The following PHKB variants were observed in gnomAD, a reference collection of about 807,000 sequenced individuals.
The protein encoded by PHKB is phosphorylase kinase regulatory subunit beta.
In PHKB, 122 loss-of-function variants were observed where a neutral mutation model predicts 152.1. The observed-to-expected ratio is 0.80, with a 90% confidence interval of 0.69 to 0.93. The LOEUF (loss-of-function observed/expected upper bound fraction) is 0.93. Among genes scored for constraint, PHKB ranks in the 40% least tolerant of loss-of-function variants. The probability of loss-of-function intolerance (pLI) is 0.00; values close to 1 mark genes in which losing one functional copy is unlikely to be tolerated. For missense variants in PHKB, 1,304 were observed against 1,328.4 expected, an observed-to-expected ratio of 0.98 and a Z score of 0.29; for synonymous variants, 436 against 464.9, an observed-to-expected ratio of 0.94 and a Z score of 0.80.
At chr16:47,537,749 A>T (rs1199298831) in intron 6 of PHKB, among the ~76,000 whole-genome samples, 1 of 152,214 alleles carries the variant, frequency 6.6e-6, no homozygotes, top group Non-Finnish European at 1.5e-5. Context: ...GGTTTAGAAC[A>T]TACTGTTTAA....
chr16:47,478,896 A>T (rs16945379), intron 1 of PHKB, among the ~76,000 whole-genome samples: 10,504 of 152,184 alleles, frequency 0.069, 609 homozygotes, highest in African/African-American at 0.15. Context: ...TAAAGAAATG[A>T]CCTTGTCCAG....
At chr16:47,596,741 A>G (rs187007650) in intron 13 of PHKB, among the ~76,000 whole-genome samples, 1 of 152,238 alleles carries the variant, frequency 6.6e-6, no homozygotes, top group East Asian at 1.9e-4. Context: ...CGAAATAGGT[A>G]TGGGTACCAT....
intron 26 of PHKB, among the ~76,000 whole-genome samples, chr16:47,674,884 CA>C (rs1327368960): frequency 6.6e-6 from 1 of 152,192 alleles, no homozygotes; most frequent in Non-Finnish European, 1.5e-5. Context: ...TCCCCTAAGG[CA>C]AAACCAGCCC....
intron 7 of PHKB, among the ~76,000 whole-genome samples, chr16:47,572,639 G>A (rs568920626): frequency 1.3e-5 from 2 of 152,264 alleles, no homozygotes; most frequent in African/African-American, 4.8e-5. Context: ...CATCTCATAA[G>A]GGCAGGTTCA....
intron 20 of PHKB, among the ~76,000 whole-genome samples, chr16:47,654,485 A>G (rs1001274269): frequency 3.3e-5 from 5 of 152,204 alleles, no homozygotes; most frequent in African/African-American, 1.2e-4. Context: ...TCATGCTACT[A>G]TAAAGACACA....
At chr16:47,677,203 C>T (rs1215529929) in intron 26 of PHKB, among the ~76,000 whole-genome samples, 3 of 152,182 alleles carry the variant, frequency 2.0e-5, no homozygotes, top group Non-Finnish European at 4.4e-5. Context: ...GATGATGAAG[C>T]TCCCCAACCT....
intron 14 of PHKB, among the ~76,000 whole-genome samples, chr16:47,629,971 C>G (rs1972794176): frequency 7.2e-6 from 1 of 139,186 alleles, no homozygotes; most frequent in Non-Finnish European, 1.5e-5. Context: ...GGGAACTGAA[C>G]AATGAGAACA....
At chr16:47,545,426 T>G (rs1971142661) in intron 6 of PHKB, among the ~76,000 whole-genome samples, 1 of 152,228 alleles carries the variant, frequency 6.6e-6, no homozygotes, top group Admixed American at 6.5e-5. Context: ...TGGCCCCCAC[T>G]CTCTTCTGGC....
intron 29 of PHKB, 152 bp downstream of exon 29, chr16:47,696,640 AC>A: frequency 1.5e-6 from 1 of 681,570 alleles, no homozygotes; most frequent in Non-Finnish European, 2.7e-6. Context: ...TCTTTCCGGA[AC>A]CTTGATCTCT....
rs2342627 is a variant in PHKB at position 47,546,857 on chromosome 16, C to T, written c.595-576C>T. 4.9e-4 allele frequency among the ~76,000 whole-genome samples: 75 copies of T among 152,254 alleles called. 1 individual carries two copies. In the South Asian group the frequency reaches 0.014, roughly 29 times the overall value. On this transcript the variant is annotated intron_variant, in intron 6 of 30. Transcript: ENST00000323584. ...GGCTTGCTGCCGTGCAGTTCGATCT[C>T]GGACTGCCGTTCTAACAGTGAGCAA... is the stretch of plus-strand genomic sequence containing the variant.
intron 14 of PHKB, among the ~76,000 whole-genome samples, chr16:47,614,711 T>G (rs1972486013): frequency 6.6e-6 from 1 of 152,232 alleles, no homozygotes. Context: ...CTGTCTTCAT[T>G]GAGCAGCACA....
intron 8 of PHKB, among the ~76,000 whole-genome samples, chr16:47,585,738 C>A (rs1971924108): frequency 6.6e-6 from 1 of 152,136 alleles, no homozygotes; most frequent in South Asian, 2.1e-4. Flanking sequence ...AAATTGAGAG[C>A]TGAATAAATA....
rs61186489 is a variant in PHKB, at chr16:47,552,800, A to AACACAC, written c.710+5279_710+5284dup. Among the ~76,000 whole-genome samples the AACACAC allele has an allele frequency of 5.7e-4, 82 of 143,588 alleles. No homozygotes were observed. The South Asian group carries it at 7.0e-3, about 12-fold the overall frequency. 94.2% of individuals were successfully genotyped at this position (143,588 alleles called of 152,430 possible). On this transcript the variant is annotated intron_variant, in intron 7 of 30. Transcript: ENST00000323584. ...TCACTGTGACAAAGACCCCATCTCA[A>AACACAC]ACACACACACACACACACACACACA... is the stretch of plus-strand genomic sequence containing the variant.
At chr16:47,659,199 A>G (rs1389707536) in intron 20 of PHKB, among the ~76,000 whole-genome samples, 1 of 152,154 alleles carries the variant, frequency 6.6e-6, no homozygotes, top group Non-Finnish European at 1.5e-5. Flanking sequence ...TATGATTGCT[A>G]TTAATACGTC....
At chr16:47,690,890 A>G (rs1450091517) in intron 27 of PHKB, among the ~76,000 whole-genome samples, 1 of 152,158 alleles carries the variant, frequency 6.6e-6, no homozygotes, top group Non-Finnish European at 1.5e-5. Flanking sequence ...AATAAGACAC[A>G]TCAAAATCAT....
chr16:47,580,478 T>G (rs778651530), intron 8 of PHKB, 120 bp downstream of exon 8: 81 of 740,690 alleles, frequency 1.1e-4, no homozygotes, highest in Non-Finnish European at 1.9e-4. Context: ...ATGTAGAAGC[T>G]CATGCTTGAA....
chr16:47,650,723 C>T (rs1217407194), intron 19 of PHKB, 97 bp downstream of exon 19: 1 of 1,242,392 alleles, frequency 8.0e-7, no homozygotes, highest in African/African-American at 1.5e-5. Context: ...TTGTATCCTT[C>T]TTAGTATGTG....
intron 10 of PHKB, chr16:47,590,809 G>A (rs944972146): frequency 1.3e-5 from 2 of 152,168 alleles, no homozygotes; most frequent in Non-Finnish European, 2.9e-5. Context: ...CATTGCTGTC[G>A]GTTCTTGTCA....
At chr16:47,478,552 A>G (rs1969910101) in intron 1 of PHKB, among the ~76,000 whole-genome samples, 1 of 147,360 alleles carries the variant, frequency 6.8e-6, no homozygotes, top group Non-Finnish European at 1.5e-5. Flanking sequence ...TCCACTTGCT[A>G]CCAGTGTGAC....
Sources: gnomAD v4.1 joint callset for allele counts (sites outside exome capture counted in the v4.1 genomes callset) on GRCh38, gnomAD v4.1.1 for gene constraint, MANE v1.5 for transcripts, NCBI Gene and HGNC (gene_info 2026-07-23, HGNC 2026-07-21) for gene names.